The following NFKB1 variants were observed in gnomAD, a reference collection of about 807,000 sequenced individuals.
NFKB1 encodes nuclear factor NF-kappa-B p105 subunit.
NFKB1 carries 9 observed loss-of-function variants against 105.1 expected under a neutral mutation model. The observed-to-expected ratio is 0.09, with a 90% CI of 0.05 to 0.15. The LOEUF is 0.15. Among genes scored for constraint, NFKB1 ranks in the 10% least tolerant of loss-of-function variants. NFKB1 has a pLI of 1.00. For missense variants in NFKB1, 830 were observed against 1,203.7 expected, an observed-to-expected ratio of 0.69 and a Z score of 4.59; for synonymous variants, 440 against 442.2, an observed-to-expected ratio of 1.00 and a Z score of 0.06.
chr4:102,564,939 T>C (rs1166098185), intron 5 of NFKB1, among the ~76,000 whole-genome samples: 2 of 152,212 alleles, frequency 1.3e-5, no homozygotes, highest in African/African-American at 4.8e-5. Flanking sequence ...CTGTGGGATA[T>C]ATCATCATAA....
At chr4:102,578,069 TGGTAGGAGCACCA>T in intron 7 of NFKB1, 1 of 748,420 alleles carries the variant, frequency 1.3e-6, no homozygotes, top group Non-Finnish European at 1.6e-6. Context: ...GTCTACTACT[TGGTAGGAGCACCA>T]TGATTTCTCA....
At chr4:102,570,781 G>A (rs1724273216) in intron 6 of NFKB1, among the ~76,000 whole-genome samples, 2 of 152,176 alleles carry the variant, frequency 1.3e-5, no homozygotes, top group African/African-American at 4.8e-5. Flanking sequence ...TACAGGGGAT[G>A]TGAAGGACCT....
At chr4:102,524,491 AC>A (rs1455560260) in intron 1 of NFKB1, among the ~76,000 whole-genome samples, 1 of 152,170 alleles carries the variant, frequency 6.6e-6, no homozygotes, top group East Asian at 1.9e-4. Context: ...GGCATCAGGG[AC>A]CAGTTTCGTG....
intron 11 of NFKB1, among the ~76,000 whole-genome samples, chr4:102,587,309 T>G (rs1032289872): frequency 6.6e-6 from 1 of 152,222 alleles, no homozygotes; most frequent in African/African-American, 2.4e-5. Flanking sequence ...TGGATAATTT[T>G]TTTAGACTTT....
chr4:102,556,247 T>A (rs542796597), intron 5 of NFKB1, among the ~76,000 whole-genome samples: 1 of 152,266 alleles, frequency 6.6e-6, no homozygotes, highest in African/African-American at 2.4e-5. Context: ...AACGGTATTA[T>A]GGACAGGAAG....
intron 5 of NFKB1, among the ~76,000 whole-genome samples, chr4:102,545,494 A>G (rs1722064541): frequency 6.6e-6 from 1 of 152,140 alleles, no homozygotes; most frequent in Admixed American, 6.6e-5. Flanking sequence ...AAGCCTAGAG[A>G]AATTAAGAAG....
At chr4:102,596,355 TTC>T (rs1726615825) in intron 14 of NFKB1, 23 bp downstream of exon 14, 15 of 1,572,600 alleles carry the variant, frequency 9.5e-6, no homozygotes, top group East Asian at 6.8e-5. Context: ...ACAAATTACG[TTC>T]TGTTGGTTGG....
chr4:102,519,336 T>C (rs939996812), intron 1 of NFKB1, among the ~76,000 whole-genome samples: 2 of 145,874 alleles, frequency 1.4e-5, no homozygotes, highest in Non-Finnish European at 3.0e-5. Flanking sequence ...ATATAAAGTA[T>C]ATATATAAAA....
chr4:102,593,030 A>AT (rs1369737344), intron 11 of NFKB1, among the ~76,000 whole-genome samples: 1 of 152,202 alleles, frequency 6.6e-6, no homozygotes, highest in African/African-American at 2.4e-5. Flanking sequence ...CATTTAGCTC[A>AT]TTGTAGATGC....
At chr4:102,584,515 A>ATAT (rs1725562961) in intron 10 of NFKB1, among the ~76,000 whole-genome samples, 167 bp from the exon 11 acceptor site, 1 of 152,224 alleles carries the variant, frequency 6.6e-6, no homozygotes, top group African/African-American at 2.4e-5. Context: ...GTATCGGTAT[A>ATAT]GAATTCTGAG....
chr4:102,520,638 G>A (rs1427416411), intron 1 of NFKB1, among the ~76,000 whole-genome samples: 3 of 151,936 alleles, frequency 2.0e-5, no homozygotes, highest in African/African-American at 7.3e-5. Context: ...ATGTTGTAGT[G>A]CACCAAATTG....
At chr4:102,582,562 G>A (rs951942463) in intron 9 of NFKB1, among the ~76,000 whole-genome samples, 3 of 151,960 alleles carry the variant, frequency 2.0e-5, no homozygotes, top group Non-Finnish European at 2.9e-5. Context: ...ACCATCGTTC[G>A]TGTTTCTCAG....
intron 1 of NFKB1, among the ~76,000 whole-genome samples, chr4:102,504,217 C>T (rs1383829909): frequency 1.3e-5 from 2 of 152,148 alleles, no homozygotes; most frequent in African/African-American, 4.8e-5. Flanking sequence ...TCATCTTTTG[C>T]ATCTTCGGGT....
intron 1 of NFKB1, among the ~76,000 whole-genome samples, chr4:102,507,006 T>G (rs544388493): frequency 2.7e-5 from 4 of 148,672 alleles, no homozygotes; most frequent in East Asian, 3.9e-4. Flanking sequence ...TAATGATATA[T>G]GTATAAATAC....
intron 5 of NFKB1, among the ~76,000 whole-genome samples, chr4:102,550,777 G>T (rs1185807581): frequency 6.6e-6 from 1 of 152,130 alleles, no homozygotes; most frequent in Non-Finnish European, 1.5e-5. Flanking sequence ...AAGTTACTTG[G>T]ATTAGATTTT....
At chr4:102,514,483 C>T (rs1014179982) in intron 1 of NFKB1, among the ~76,000 whole-genome samples, 3 of 152,138 alleles carry the variant, frequency 2.0e-5, no homozygotes, top group African/African-American at 7.2e-5. Context: ...CATTCCTCCC[C>T]TCTAGAGGAT....
At chr4:102,570,775 G>A (rs1040154209) in intron 6 of NFKB1, among the ~76,000 whole-genome samples, 5 of 152,020 alleles carry the variant, frequency 3.3e-5, no homozygotes, top group South Asian at 2.1e-4. Flanking sequence ...CCAACTTACA[G>A]GGGATGTGAA....
At chr4:102,585,165 C>T (rs555645701) in intron 11 of NFKB1, among the ~76,000 whole-genome samples, 2 of 152,188 alleles carry the variant, frequency 1.3e-5, no homozygotes, top group South Asian at 2.1e-4. Context: ...GCTGGGATTA[C>T]AGGCTTGAGC....
rs150287649 is a variant in NFKB1 at position 102,584,036 on chromosome 4, A to G, written c.928-646A>G. Among the ~76,000 whole-genome samples the G allele has an allele frequency of 3.2e-3, 491 of 152,336 alleles. 1 individual carries two copies. The highest frequency in any genetic ancestry group is 5.8e-3 in the Non-Finnish European group (392 of 68,022). On this transcript the variant is annotated intron_variant, in intron 10 of 23. Transcript: ENST00000226574. ...GAAATTCTGGAAGGATACCTAAGAAATTAATAACAGTATTTACCACTGGCT... is the reference window on the plus strand; with the variant it reads ...GAAATTCTGGAAGGATACCTAAGAAGTTAATAACAGTATTTACCACTGGCT...
Sources: gnomAD v4.1 joint callset for allele counts (sites outside exome capture counted in the v4.1 genomes callset) on GRCh38, gnomAD v4.1.1 for gene constraint, MANE v1.5 for transcripts, NCBI Gene and HGNC (gene_info 2026-07-23, HGNC 2026-07-21) for gene names.